Variants in TMEM131L observed in about 807,000 individuals in gnomAD.
TMEM131L encodes the protein transmembrane 131 like, also known as transmembrane protein 131-like.
A neutral mutation model predicts 192.2 loss-of-function variants in TMEM131L; 54 were observed. The ratio of observed to expected loss-of-function variants is 0.28; its 90% CI spans 0.23 to 0.35. The LOEUF (loss-of-function observed/expected upper bound fraction) is 0.35. Ranked by LOEUF, TMEM131L falls within the 10% of genes least tolerant of loss-of-function variation. The pLI is 1.00. For missense variants in TMEM131L, 1,888 were observed against 1,972.9 expected (o/e 0.96, Z 0.82); for synonymous variants, 701 against 704.9 (o/e 0.99, Z 0.09).
intron 29 of TMEM131L, among the ~76,000 whole-genome samples, chr4:153,623,832 G>A (rs955389174): frequency 9.2e-5 from 14 of 151,956 alleles, no homozygotes; most frequent in African/African-American, 2.7e-4. Flanking sequence ...TAAAGATGTC[G>A]GAGAGGTCAC....
intron 3 of TMEM131L, among the ~76,000 whole-genome samples, chr4:153,479,654 T>G (rs1561115255): frequency 6.6e-6 from 1 of 152,224 alleles, no homozygotes; most frequent in Admixed American, 6.5e-5. Context: ...TTGGTGGTTT[T>G]TTGTTTTTAA....
chr4:153,538,930 C>T (rs758040170), intron 3 of TMEM131L, among the ~76,000 whole-genome samples: 7 of 152,146 alleles, frequency 4.6e-5, no homozygotes, highest in Non-Finnish European at 8.8e-5. Flanking sequence ...GATACTTCGG[C>T]TTTCACCCCA....
chr4:153,466,637 G>T, intron 1 of TMEM131L, 116 bp downstream of exon 1: 1 of 1,042,514 alleles, frequency 9.6e-7, no homozygotes, highest in Non-Finnish European at 1.2e-6. Flanking sequence ...GGGGCAGGAG[G>T]AGGAAGGAAA....
intron 4 of TMEM131L, among the ~76,000 whole-genome samples, chr4:153,552,826 C>T (rs1351300723): frequency 1.6e-4 from 25 of 151,686 alleles, no homozygotes. Flanking sequence ...AGAGTGAGAC[C>T]TTGTCTCAAA....
At position 153,555,719 on chromosome 4, in the gene TMEM131L, C is replaced by T. The variant is rs1737932933; in HGVS notation, c.309-68C>T. 1 of 1,282,706 alleles carries T rather than the reference C, an allele frequency of 7.8e-7. No homozygotes were observed. Among genetic ancestry groups the T allele is most frequent in the Non-Finnish European group, 1.1e-6 (1 of 928,236 alleles). 79.5% of individuals were successfully genotyped at this position (1,282,706 alleles called of 1,614,324 possible). On this transcript the variant is annotated intron_variant, in intron 4 of 34. Coordinates refer to ENST00000409959, the MANE Select transcript of TMEM131L (RefSeq NM_001131007.2). The surrounding 1 kb of genome is among the most constrained non-coding windows in gnomAD (Gnocchi z 4.1). ...ATCTGTGTGTATATATATAATAATA[C>T]ATATATATGTATGGTAATATTTATA...
At position 153,603,933 on chromosome 4, in the gene TMEM131L, A is replaced by G. The variant is rs1479214511; in HGVS notation, c.2921A>G (p.His974Arg). 1.2e-6 allele frequency: 2 copies of G among 1,614,092 alleles called. No homozygotes were observed. The highest frequency in any genetic ancestry group is 2.7e-5 in the African/African-American group (2 of 75,056). The change falls in exon 25 of 35, where the codon CAT (histidine) becomes CGT (arginine). Residue 974 changes from histidine (H) to arginine (R), a missense_variant. Coordinates refer to ENST00000409959, the MANE Select transcript of TMEM131L (RefSeq NM_001131007.2). The part of the protein sequence containing the change: ...AAKRSPATYG[H>R]SQKKHKCSVY... ...AAGAGGAGCCCAGCCACCTATGGTC[A>G]TTCTCAGAAGAAGCACAAATGCTCA...
chr4:153,511,111 C>G (rs1365680669), intron 3 of TMEM131L, among the ~76,000 whole-genome samples: 1 of 152,208 alleles, frequency 6.6e-6, no homozygotes, highest in Non-Finnish European at 1.5e-5. Flanking sequence ...TACCATTCGA[C>G]TCAGCAATCC....
Position 153,558,331 on chromosome 4 carries a change from T to G in TMEM131L, c.623T>G (p.Leu208Arg). The change falls in exon 7 of 35, where the codon CTT becomes CGT. Residue 208 changes from leucine (L) to arginine (R), a missense_variant. Transcript: ENST00000409959. ...AKQLPNAYFLLPKVQSIQLSQ... is the reference protein window; with the variant it reads ...AKQLPNAYFLRPKVQSIQLSQ... ...CAGCTACCAAATGCTTATTTTCTGC[T>G]TCCAAAGGTCCAGAGCATTCAGCTG... 6.2e-7 allele frequency: 1 copy of G among 1,609,778 alleles called. No homozygotes were observed. Among genetic ancestry groups the G allele is most frequent in the Non-Finnish European group, 8.5e-7 (1 of 1,176,678 alleles).
intron 31 of TMEM131L, among the ~76,000 whole-genome samples, chr4:153,628,670 A>T (rs1456549606): frequency 6.6e-6 from 1 of 152,184 alleles, no homozygotes; most frequent in Non-Finnish European, 1.5e-5. Flanking sequence ...AAATTAAATA[A>T]TCCATAGTTT....
intron 3 of TMEM131L, among the ~76,000 whole-genome samples, chr4:153,477,935 C>T (rs963406971): frequency 1.1e-4 from 16 of 152,080 alleles, no homozygotes; most frequent in East Asian, 9.6e-4. Flanking sequence ...TTTGTCTTCC[C>T]GAAAGAAGTG....
chr4:153,582,447 T>G (rs1188290318), intron 9 of TMEM131L, among the ~76,000 whole-genome samples: 2 of 140,034 alleles, frequency 1.4e-5, no homozygotes, highest in East Asian at 4.1e-4. Context: ...TTTTTTTTTT[T>G]TTTTTTTTTT....
At chr4:153,522,199 G>A (rs1735168384) in intron 3 of TMEM131L, among the ~76,000 whole-genome samples, 1 of 152,134 alleles carries the variant, frequency 6.6e-6, no homozygotes, top group South Asian at 2.1e-4. Context: ...GGTGAAGTGG[G>A]AACCCTCAAC....
chr4:153,633,565 A>G (rs1734370816), intron 32 of TMEM131L, among the ~76,000 whole-genome samples: 1 of 152,176 alleles, frequency 6.6e-6, no homozygotes, highest in Non-Finnish European at 1.5e-5. Context: ...TAATTTGAAT[A>G]TTGAAAAATA....
At chr4:153,521,041 G>A (rs1264646029) in intron 3 of TMEM131L, among the ~76,000 whole-genome samples, 1 of 152,208 alleles carries the variant, frequency 6.6e-6, no homozygotes, top group Non-Finnish European at 1.5e-5. Flanking sequence ...ATTTTGGGGA[G>A]GGGAAGTGGT....
intron 3 of TMEM131L, among the ~76,000 whole-genome samples, chr4:153,521,627 A>G (rs544210913): frequency 3.3e-5 from 5 of 152,276 alleles, no homozygotes; most frequent in Admixed American, 2.0e-4. Context: ...ATCCGTCTCC[A>G]GAAATCTTTT....
chr4:153,577,685 G>A (rs1730048203), intron 7 of TMEM131L, among the ~76,000 whole-genome samples: 1 of 152,178 alleles, frequency 6.6e-6, no homozygotes, highest in Non-Finnish European at 1.5e-5. Flanking sequence ...GTGGGTTTAA[G>A]GGCTCATGAA....
chr4:153,602,764 TAGAGA>T, intron 23 of TMEM131L, 37 bp downstream of exon 23: 3 of 1,583,698 alleles, frequency 1.9e-6, no homozygotes, highest in Non-Finnish European at 2.6e-6. Context: ...TCTCACTGAG[TAGAGA>T]AGTCATCCAG....
At chr4:153,557,169 A>G (rs1448414359) in intron 6 of TMEM131L, 87 bp downstream of exon 6, 3 of 688,684 alleles carry the variant, frequency 4.4e-6, no homozygotes, top group East Asian at 5.4e-5. Flanking sequence ...GACTTTTGGA[A>G]ATGTTGTCAC....
At chr4:153,551,638 G>A (rs530068104) in intron 4 of TMEM131L, among the ~76,000 whole-genome samples, 1 of 152,178 alleles carries the variant, frequency 6.6e-6, no homozygotes, top group African/African-American at 2.4e-5. Flanking sequence ...TTACAGGCAT[G>A]AGCCACCGCA....
Sources: allele counts gnomAD v4.1 joint callset (sites outside exome capture counted in the v4.1 genomes callset), GRCh38; gene constraint gnomAD v4.1.1; non-coding constraint Gnocchi (gnomAD v3.1); transcripts MANE v1.5; gene names NCBI Gene and HGNC (gene_info 2026-07-23, HGNC 2026-07-21).